FRY: variants seen among roughly 807,000 people sequenced by gnomAD.
The protein encoded by FRY is FRY microtubule binding protein.
A neutral mutation model predicts 348.4 loss-of-function variants in FRY; 128 were observed. The ratio of observed to expected loss-of-function variants is 0.37; its 90% confidence interval spans 0.32 to 0.43. The LOEUF (loss-of-function observed/expected upper bound fraction) is 0.43, where lower values mean the gene tolerates loss of function less well. Among genes scored for constraint, FRY ranks in the 20% least tolerant of loss-of-function variants. FRY has a pLI of 1.00. For missense variants in FRY, 2,736 were observed against 3,695.2 expected (o/e 0.74, Z 6.73); for synonymous variants, 1,370 against 1,374.7 (o/e 1.00, Z 0.08).
chr13:32,198,827 A>G (rs901162018), intron 29 of FRY, among the ~76,000 whole-genome samples: 2 of 152,226 alleles, frequency 1.3e-5, no homozygotes, highest in Non-Finnish European at 2.9e-5. Flanking sequence ...ACAGAAAAAT[A>G]AACATTTTGG....
intron 35 of FRY, 66 bp from the exon 36 acceptor site, chr13:32,218,677 CAAAAAA>C: frequency 3.7e-4 from 210 of 572,870 alleles, no homozygotes; most frequent in East Asian, 6.8e-4. Context: ...GACTCCAACT[CAAAAAA>C]AAAAAAAAAA....
At chr13:32,089,631 C>T (rs1014218835) in intron 2 of FRY, among the ~76,000 whole-genome samples, 1 of 152,074 alleles carries the variant, frequency 6.6e-6, no homozygotes, top group African/African-American at 2.4e-5. Context: ...AAAAATTAGC[C>T]AGGCGTGGTG....
intron 40 of FRY, 137 bp downstream of exon 40, chr13:32,228,791 G>A: frequency 5.2e-6 from 4 of 769,104 alleles, no homozygotes; most frequent in Non-Finnish European, 9.3e-6. Flanking sequence ...TGCAACTGCT[G>A]GAGTCTGTGT....
chr13:32,087,578 C>A (rs1341620830), intron 2 of FRY, among the ~76,000 whole-genome samples: 1 of 152,162 alleles, frequency 6.6e-6, no homozygotes, highest in Non-Finnish European at 1.5e-5. Flanking sequence ...CATACTCATC[C>A]CAGCTTCCTC....
chr13:32,140,287 G>A (rs1879981780), intron 11 of FRY, among the ~76,000 whole-genome samples: 1 of 152,162 alleles, frequency 6.6e-6, no homozygotes, highest in African/African-American at 2.4e-5. Flanking sequence ...TGTTGTTTAT[G>A]CATTTCCAAA....
At chr13:32,126,058 G>A (rs899068009) in intron 7 of FRY, among the ~76,000 whole-genome samples, 1 of 152,174 alleles carries the variant, frequency 6.6e-6, no homozygotes, top group African/African-American at 2.4e-5. Flanking sequence ...AGAAAAAAGT[G>A]TAATGCATTT....
chr13:32,090,455 G>GA (rs1005466259), intron 2 of FRY, among the ~76,000 whole-genome samples: 8 of 151,552 alleles, frequency 5.3e-5, no homozygotes, highest in African/African-American at 1.9e-4. Flanking sequence ...CTGAGAGAAA[G>GA]ACCGAAGAGA....
At chr13:32,267,125 GAGA>G in intron 54 of FRY, 42 bp from the exon 55 acceptor site, 1 of 1,535,378 alleles carries the variant, frequency 6.5e-7, no homozygotes. Context: ...AGTATAGGAT[GAGA>G]AGGACATCAC....
intron 29 of FRY, among the ~76,000 whole-genome samples, chr13:32,196,154 T>C (rs569254654): frequency 7.9e-5 from 12 of 152,336 alleles, no homozygotes; most frequent in Admixed American, 3.9e-4. Context: ...TTATGAAATA[T>C]GTTTCTGAAA....
intron 2 of FRY, among the ~76,000 whole-genome samples, chr13:32,084,215 C>G (rs1875704180): frequency 6.6e-6 from 1 of 152,076 alleles, no homozygotes; most frequent in Admixed American, 6.6e-5. Flanking sequence ...GGGGTGTCCT[C>G]AAGGTGAATA....
chr13:32,204,914 TGCAATCAAGCCAAGCACAGTG>T (rs1482323229), intron 31 of FRY, among the ~76,000 whole-genome samples: 4 of 152,170 alleles, frequency 2.6e-5, no homozygotes, highest in Non-Finnish European at 4.4e-5. Context: ...AAGATAGATA[TGCAATCAAGCCAAGCACAGTG>T]GCTTATGCCT....
chr13:32,176,772 T>C (rs566193191), intron 20 of FRY, among the ~76,000 whole-genome samples: 1 of 152,340 alleles, frequency 6.6e-6, no homozygotes, highest in East Asian at 1.9e-4. Context: ...GTTAGGAAGA[T>C]ATACAGAAAC....
chr13:32,118,538 TG>T (rs1381953333), intron 4 of FRY, among the ~76,000 whole-genome samples: 1 of 152,170 alleles, frequency 6.6e-6, no homozygotes, highest in African/African-American at 2.4e-5. Context: ...TAATTTTGTT[TG>T]GGAGAGAGAT....
rs188944651 is a variant in FRY at position 32,178,690 on chromosome 13, T to C, written c.2682-154T>C. ...AAAAGATACTTTAAAGTTCTTCTGT[T>C]TGACTTTTCATCCAATGCAGATACT... On this transcript the variant is annotated intron_variant, in intron 21 of 60. Coordinates refer to ENST00000542859, the MANE Select transcript of FRY (RefSeq NM_023037.3). Among the ~76,000 whole-genome samples, 471 of 152,348 alleles carry C rather than the reference T, an allele frequency of 3.1e-3. 1 individual carries two copies. Among genetic ancestry groups the C allele is most frequent in the Middle Eastern group, 0.01 (3 of 294 alleles).
chr13:32,209,563 G>A, intron 32 of FRY, 22 bp from the exon 33 acceptor site: 1 of 1,613,398 alleles, frequency 6.2e-7, no homozygotes, highest in Non-Finnish European at 8.5e-7. Context: ...CATCTCTTGG[G>A]CCGGTTTTTA....
At chr13:32,118,748 C>T (rs1290600892) in intron 4 of FRY, among the ~76,000 whole-genome samples, 2 of 152,026 alleles carry the variant, frequency 1.3e-5, no homozygotes, top group African/African-American at 4.8e-5. Context: ...CCATTAGCAG[C>T]CTCTCCTCAT....
intron 4 of FRY, among the ~76,000 whole-genome samples, chr13:32,122,963 C>G (rs1283275558): frequency 7.3e-6 from 1 of 136,974 alleles, no homozygotes; most frequent in Admixed American, 7.2e-5. Flanking sequence ...AAATAAAATA[C>G]TTAGGAATAT....
At chr13:32,254,489 A>G in intron 51 of FRY, 95 bp downstream of exon 51, 1 of 1,158,604 alleles carries the variant, frequency 8.6e-7, no homozygotes, top group Non-Finnish European at 1.3e-6. Flanking sequence ...TTTTTGTAAC[A>G]AGATCTTTAA....
At chr13:32,092,692 A>G (rs1876396645) in intron 2 of FRY, among the ~76,000 whole-genome samples, 1 of 152,192 alleles carries the variant, frequency 6.6e-6, no homozygotes, top group Admixed American at 6.5e-5. Flanking sequence ...TCTCTGATTC[A>G]GAGGGAGAAA....
Sources: gnomAD v4.1 joint callset for allele counts (sites outside exome capture counted in the v4.1 genomes callset) on GRCh38, gnomAD v4.1.1 for gene constraint, MANE v1.5 for transcripts, NCBI Gene and HGNC (gene_info 2026-07-23, HGNC 2026-07-21) for gene names.